Variants in KIF13A observed in about 807,000 individuals in gnomAD.
The protein encoded by KIF13A is kinesin-like protein KIF13A.
In KIF13A, 79 loss-of-function variants were observed where a neutral mutation model predicts 212.2. That is an observed-to-expected ratio of 0.37 (90% CI 0.31 to 0.45). KIF13A has a LOEUF of 0.45. Among genes scored for constraint, KIF13A ranks in the 20% least tolerant of loss-of-function variants. KIF13A has a pLI of 1.00. For missense variants in KIF13A, 1,901 were observed against 2,209.0 expected, an observed-to-expected ratio of 0.86 and a Z score of 2.79; for synonymous variants, 789 against 808.6, an observed-to-expected ratio of 0.98 and a Z score of 0.41.
Position 17,771,688 on chromosome 6 carries a change from A to C in KIF13A, c.4476+220T>G. 1 of 452,566 alleles carries C rather than the reference A, an allele frequency of 2.2e-6. No individual in the cohort carries two copies. The highest frequency in any genetic ancestry group is 3.9e-6 in the Non-Finnish European group (1 of 254,842). The allele number at this position is 452,566 out of a possible 1,614,324, so 28.0% of individuals were successfully genotyped here. On this transcript the variant is annotated intron_variant, in intron 37 of 38. Transcript: ENST00000259711. The surrounding 1 kb of genome is among the most constrained non-coding windows in gnomAD (Gnocchi z 5.4). ...TTGAAACATAAAAAAATACTTTGAA[A>C]AGCCATAAACACAAAGAAATAAAAC...
intron 4 of KIF13A, 106 bp downstream of exon 4, chr6:17,873,271 G>A (rs1770186086): frequency 2.7e-6 from 2 of 738,228 alleles, no homozygotes; most frequent in Admixed American, 3.0e-5. Flanking sequence ...AAGAACAGGT[G>A]TGAATTACAC....
chr6:17,808,587 G>A (rs192938895), intron 18 of KIF13A, among the ~76,000 whole-genome samples, 181 bp downstream of exon 18: 70 of 152,114 alleles, frequency 4.6e-4, no homozygotes, highest in Non-Finnish European at 9.1e-4. Context: ...ACATATCTAA[G>A]AACATCATTT....
At chr6:17,916,362 G>A (rs1441158450) in intron 2 of KIF13A, among the ~76,000 whole-genome samples, 4 of 152,190 alleles carry the variant, frequency 2.6e-5, no homozygotes, top group Non-Finnish European at 4.4e-5. Flanking sequence ...AAACCTCACT[G>A]TGTATATGAC....
intron 2 of KIF13A, among the ~76,000 whole-genome samples, chr6:17,920,387 T>C (rs1774950912): frequency 6.6e-6 from 1 of 152,184 alleles, no homozygotes; most frequent in South Asian, 2.1e-4. Flanking sequence ...AGAACAATCA[T>C]TTTCATTAGT....
chr6:17,899,833 T>C lies in KIF13A; in HGVS notation c.147-1653A>G, dbSNP rs968043505. Among the ~76,000 whole-genome samples, 2 of 152,174 alleles carry C rather than the reference T, an allele frequency of 1.3e-5. No homozygotes were observed. The highest frequency in any genetic ancestry group is 2.4e-5 in the African/African-American group (1 of 41,432). On this transcript the variant is annotated intron_variant, in intron 2 of 38. Transcript: ENST00000259711. The surrounding 1 kb of genome is among the most constrained non-coding windows in gnomAD (Gnocchi z 5.2). ...CATTTATAGAGGTTATAAATAAAAA[T>C]GCACAAGTGTTTTTAATTCTAAGGA...
chr6:17,969,920 G>C (rs1779657656), intron 2 of KIF13A, among the ~76,000 whole-genome samples: 2 of 148,758 alleles, frequency 1.3e-5, no homozygotes, highest in African/African-American at 4.9e-5. Flanking sequence ...GTATTTACTT[G>C]TGTTTTCTTT....
chr6:17,892,603 G>C lies in KIF13A; in HGVS notation c.159+5565C>G, dbSNP rs1341260441. On this transcript the variant is annotated intron_variant, in intron 3 of 38. Coordinates refer to ENST00000259711, the MANE Select transcript of KIF13A (RefSeq NM_022113.6). The surrounding 1 kb of genome is among the most constrained non-coding windows in gnomAD (Gnocchi z 4.7). ...CCAGAAAGACCAAGGCAGGATTAGA[G>C]GGTTGGAACATTTAGCCCAATTCTT... 6.6e-6 allele frequency among the ~76,000 whole-genome samples: 1 copy of C among 152,216 alleles called. No individual in the cohort carries two copies. Among genetic ancestry groups the C allele is most frequent in the Non-Finnish European group, 1.5e-5 (1 of 68,036 alleles).
chr6:17,954,620 C>T (rs1407022097), intron 2 of KIF13A, among the ~76,000 whole-genome samples: 1 of 152,148 alleles, frequency 6.6e-6, no homozygotes, highest in Non-Finnish European at 1.5e-5. Flanking sequence ...GACATTTTCA[C>T]AACCCAAAAC....
intron 31 of KIF13A, 23 bp from the exon 32 acceptor site, chr6:17,779,707 G>C: frequency 1.0e-6 from 1 of 974,354 alleles, no homozygotes; most frequent in Non-Finnish European, 1.6e-6. Context: ...AAAAAAAGCT[G>C]TATTAAGCTA....
At chr6:17,813,242 G>T (rs536571992) in intron 17 of KIF13A, among the ~76,000 whole-genome samples, 4 of 152,172 alleles carry the variant, frequency 2.6e-5, no homozygotes, top group Non-Finnish European at 5.9e-5. Context: ...CACTTTGGGA[G>T]GCTGAGGCGG....
intron 4 of KIF13A, among the ~76,000 whole-genome samples, chr6:17,870,774 C>T (rs984526377): frequency 5.1e-5 from 7 of 136,456 alleles, no homozygotes; most frequent in Admixed American, 1.4e-4. Context: ...CAGCTGGGTT[C>T]CCCCCCGCCA....
chr6:17,861,540 A>G (rs1768786741), intron 4 of KIF13A, among the ~76,000 whole-genome samples: 1 of 152,202 alleles, frequency 6.6e-6, no homozygotes, highest in South Asian at 2.1e-4. Context: ...AAAAAATCAA[A>G]TCTCCAAGTT....
At chr6:17,775,403 C>T (rs1759868896) in intron 34 of KIF13A, among the ~76,000 whole-genome samples, 1 of 152,154 alleles carries the variant, frequency 6.6e-6, no homozygotes, top group Non-Finnish European at 1.5e-5. Flanking sequence ...ATTCTAAATA[C>T]AACCTGTATA....
At chr6:17,976,434 T>C (rs1302466256) in intron 2 of KIF13A, among the ~76,000 whole-genome samples, 1 of 152,202 alleles carries the variant, frequency 6.6e-6, no homozygotes, top group African/African-American at 2.4e-5. Flanking sequence ...GCCCGGGTGC[T>C]AAGCCCTTCA....
rs1157995606 is a variant in KIF13A at position 17,776,105 on chromosome 6, C to G, written c.4171-1043G>C. ...GTTGGTCAGGCTGGTCTTGAACTCCCAACCTCAGGTGATCTGCCCACCTCA... is the reference window on the plus strand; with the variant it reads ...GTTGGTCAGGCTGGTCTTGAACTCCGAACCTCAGGTGATCTGCCCACCTCA... On this transcript the variant is annotated intron_variant, in intron 34 of 38. Coordinates refer to ENST00000259711, the MANE Select transcript of KIF13A (RefSeq NM_022113.6). The surrounding 1 kb of genome is among the most constrained non-coding windows in gnomAD (Gnocchi z 4.6). Among the ~76,000 whole-genome samples, 2 of 152,042 alleles carry G rather than the reference C, an allele frequency of 1.3e-5. No individual in the cohort carries two copies. Among genetic ancestry groups the G allele is most frequent in the African/African-American group, 4.8e-5 (2 of 41,418 alleles).
At chr6:17,807,295 T>C (rs1763045796) in intron 18 of KIF13A, among the ~76,000 whole-genome samples, 1 of 152,164 alleles carries the variant, frequency 6.6e-6, no homozygotes, top group Non-Finnish European at 1.5e-5. Context: ...GTAGGAGATA[T>C]ATTGCTAAAT....
intron 2 of KIF13A, among the ~76,000 whole-genome samples, chr6:17,983,620 G>A (rs1362321339): frequency 6.6e-6 from 1 of 151,918 alleles, no homozygotes; most frequent in African/African-American, 2.4e-5. Flanking sequence ...AGGCTCCTAG[G>A]CAACTGGGAT....
At chr6:17,981,146 T>C (rs1295375499) in intron 2 of KIF13A, among the ~76,000 whole-genome samples, 1 of 151,792 alleles carries the variant, frequency 6.6e-6, no homozygotes, top group Non-Finnish European at 1.5e-5. Context: ...ACTAAACCTA[T>C]GTTTTTCAAA....
intron 17 of KIF13A, among the ~76,000 whole-genome samples, chr6:17,813,948 C>CTTTTT (rs36144211): frequency 3.3e-5 from 3 of 90,730 alleles, no homozygotes; most frequent in Non-Finnish European, 6.2e-5. Context: ...TAAGGTGCTG[C>CTTTTT]TTTTTTTTTT....
Sources: gnomAD v4.1 joint callset for allele counts (sites outside exome capture counted in the v4.1 genomes callset) on GRCh38, gnomAD v4.1.1 for gene constraint, Gnocchi (gnomAD v3.1) non-coding constraint, MANE v1.5 for transcripts, NCBI Gene and HGNC (gene_info 2026-07-23, HGNC 2026-07-21) for gene names.